Variants in SLC24A2 observed in about 807,000 individuals in gnomAD.
SLC24A2 encodes the protein solute carrier family 24 member 2.
In SLC24A2, 36 loss-of-function variants were observed where a neutral mutation model predicts 62.0. The ratio of observed to expected loss-of-function variants is 0.58; its 90% CI spans 0.44 to 0.77. The LOEUF (loss-of-function observed/expected upper bound fraction) is 0.77. SLC24A2 is among the 30% of genes least tolerant of loss of function. SLC24A2 has a pLI of 0.00. For synonymous variants in SLC24A2, 358 were observed against 294.0 expected (o/e 1.22, Z -2.23); for missense variants, 846 against 817.9 (o/e 1.03, Z -0.42).
the SLC24A2 span, among the ~76,000 whole-genome samples, chr9:19,846,276 A>G: frequency 3.9e-5 from 6 of 152,312 alleles, 1 homozygote; most frequent in South Asian, 1.2e-3. Context: ...AAGTATGCCA[A>G]TGTTGGGTGC....
chr9:19,719,562 G>C (rs1820963477), intron 2 of SLC24A2, among the ~76,000 whole-genome samples: 1 of 152,272 alleles, frequency 6.6e-6, no homozygotes, highest in Middle Eastern at 3.4e-3. Context: ...ATTAACGATA[G>C]AGGAGAAAGG....
At chr9:20,271,111 G>T in the SLC24A2 span, among the ~76,000 whole-genome samples, 1 of 152,168 alleles carries the variant, frequency 6.6e-6, no homozygotes, top group Non-Finnish European at 1.5e-5. Context: ...TCTCCAAGGA[G>T]TCCTTCCCAT....
chr9:19,562,512 T>C (rs765174153), intron 7 of SLC24A2, among the ~76,000 whole-genome samples: 7 of 152,204 alleles, frequency 4.6e-5, no homozygotes, highest in Non-Finnish European at 1.0e-4. Flanking sequence ...GAGTCTGATC[T>C]GTATCTATTT....
rs999962647 is a variant in SLC24A2, at chr9:19,746,271, T to C, written c.930+39666A>G. On this transcript the variant is annotated intron_variant, in intron 2 of 10. Coordinates refer to ENST00000341998, the MANE Select transcript of SLC24A2 (RefSeq NM_020344.4). ...GAAATTTAAATAATTATTTTATTTA[T>C]CTTTTGTTCATCAGAGCTCTACGTA... 3.3e-5 allele frequency among the ~76,000 whole-genome samples: 5 copies of C among 152,136 alleles called. No homozygotes were observed. The East Asian group carries it at 5.8e-4, about 18-fold the overall frequency.
chr9:19,634,211 C>G lies in SLC24A2; in HGVS notation c.931-11912G>C, dbSNP rs569689318. Among the ~76,000 whole-genome samples, 589 of 150,874 alleles carry G rather than the reference C, an allele frequency of 3.9e-3. 6 individuals are homozygous for G. Among genetic ancestry groups the G allele is most frequent in the Non-Finnish European group, 5.5e-3 (373 of 67,910 alleles). On this transcript the variant is annotated intron_variant, in intron 2 of 10. Coordinates refer to ENST00000341998, the MANE Select transcript of SLC24A2 (RefSeq NM_020344.4). ...GCTGAGTGAGGTTAACTAACTTGCC[C>G]ACAGCAATACAGGTAGTATGGAAGG...
At chr9:20,247,929 G>A in the SLC24A2 span, among the ~76,000 whole-genome samples, 1 of 152,194 alleles carries the variant, frequency 6.6e-6, no homozygotes, top group African/African-American at 2.4e-5. Context: ...CTATGCTTAT[G>A]AGAATTGAGT....
chr9:20,108,612 A>G, the SLC24A2 span, among the ~76,000 whole-genome samples: 5 of 150,998 alleles, frequency 3.3e-5, no homozygotes, highest in East Asian at 7.9e-4. Context: ...AAAACCAAAC[A>G]CTGCATATTC....
the SLC24A2 span, among the ~76,000 whole-genome samples, chr9:20,016,116 G>A: frequency 6.6e-6 from 1 of 152,190 alleles, no homozygotes; most frequent in East Asian, 1.9e-4. Context: ...TAAGAGGAAT[G>A]TATAAATTGA....
the SLC24A2 span, among the ~76,000 whole-genome samples, chr9:20,198,401 A>G: frequency 6.6e-6 from 1 of 152,150 alleles, no homozygotes; most frequent in Non-Finnish European, 1.5e-5. Flanking sequence ...TCCTTTCCTT[A>G]GATCATCTGC....
At chr9:20,009,130 G>C in the SLC24A2 span, among the ~76,000 whole-genome samples, 3 of 152,172 alleles carry the variant, frequency 2.0e-5, no homozygotes, top group African/African-American at 4.8e-5. Flanking sequence ...AAAGTGAGTT[G>C]GAGGTGGACA....
At chr9:20,111,609 T>C in the SLC24A2 span, among the ~76,000 whole-genome samples, 3 of 152,174 alleles carry the variant, frequency 2.0e-5, no homozygotes, top group African/African-American at 7.2e-5. Flanking sequence ...GAGAGCTTGT[T>C]AGAAATGTAG....
chr9:19,663,342 C>G (rs564821716), intron 2 of SLC24A2, among the ~76,000 whole-genome samples: 14 of 152,278 alleles, frequency 9.2e-5, no homozygotes, highest in East Asian at 1.9e-4. Flanking sequence ...AGAGCAGAAG[C>G]CTTCCGATCG....
intron 2 of SLC24A2, among the ~76,000 whole-genome samples, chr9:19,697,813 A>C (rs1820236447): frequency 6.6e-6 from 1 of 152,172 alleles, no homozygotes; most frequent in Non-Finnish European, 1.5e-5. Flanking sequence ...TAGTTTCGGA[A>C]ACTGAAATAA....
At chr9:19,739,249 A>T (rs186798358) in intron 2 of SLC24A2, among the ~76,000 whole-genome samples, 1 of 152,392 alleles carries the variant, frequency 6.6e-6, no homozygotes, top group Non-Finnish European at 1.5e-5. Flanking sequence ...ATGAACAGAG[A>T]TTCTATATTG....
chr9:20,061,320 T>C, the SLC24A2 span, among the ~76,000 whole-genome samples: 1 of 152,142 alleles, frequency 6.6e-6, no homozygotes, highest in South Asian at 2.1e-4. Flanking sequence ...AGTCTCACTC[T>C]GTTGCCCAGG....
At chr9:19,839,136 A>C in the SLC24A2 span, among the ~76,000 whole-genome samples, 2 of 152,260 alleles carry the variant, frequency 1.3e-5, no homozygotes, top group African/African-American at 4.8e-5. Context: ...AAACACATGA[A>C]AAAATGCTCA....
chr9:19,759,803 C>G (rs1446432325), intron 2 of SLC24A2, among the ~76,000 whole-genome samples: 3 of 152,122 alleles, frequency 2.0e-5, no homozygotes, highest in Non-Finnish European at 4.4e-5. Context: ...CACCATAAAC[C>G]ATATACTGGC....
intron 10 of SLC24A2, among the ~76,000 whole-genome samples, chr9:19,517,739 A>G (rs1423818874): frequency 6.6e-6 from 1 of 151,644 alleles, no homozygotes; most frequent in East Asian, 1.9e-4. Context: ...TCTTAGCAGG[A>G]GGGGGCAGCC....
the SLC24A2 span, among the ~76,000 whole-genome samples, chr9:19,855,296 G>T: frequency 6.6e-6 from 1 of 152,064 alleles, no homozygotes. Context: ...TATATTTAAG[G>T]TTAATATTTT....
Sources: allele counts gnomAD v4.1 joint callset (sites outside exome capture counted in the v4.1 genomes callset), GRCh38; gene constraint gnomAD v4.1.1; transcripts MANE v1.5; gene names NCBI Gene and HGNC (gene_info 2026-07-23, HGNC 2026-07-21).